The following GATAD2B variants were observed in gnomAD, a reference collection of about 807,000 sequenced individuals.
GATAD2B encodes the protein GATA zinc finger domain containing 2B, also known as transcriptional repressor p66-beta.
In GATAD2B, 8 loss-of-function variants were observed where a neutral mutation model predicts 64.3. The observed-to-expected ratio is 0.12, with a 90% CI of 0.07 to 0.22. GATAD2B has a LOEUF of 0.22. GATAD2B is among the 10% of genes least tolerant of loss of function. GATAD2B has a pLI of 1.00. For synonymous variants in GATAD2B, 281 were observed against 271.3 expected, an observed-to-expected ratio of 1.04 and a Z score of -0.35; for missense variants, 453 against 752.0, an observed-to-expected ratio of 0.60 and a Z score of 4.65.
chr1:153,818,408 G>A (rs565590994), intron 4 of GATAD2B, among the ~76,000 whole-genome samples: 29 of 149,386 alleles, frequency 1.9e-4, no homozygotes, highest in Non-Finnish European at 2.7e-4. Context: ...TCCACCTCCC[G>A]GGTTCACGCC....
intron 1 of GATAD2B, among the ~76,000 whole-genome samples, chr1:153,857,858 T>C (rs1046560273): frequency 5.9e-5 from 9 of 152,216 alleles, no homozygotes; most frequent in African/African-American, 2.2e-4. Flanking sequence ...AGACCTTCTT[T>C]CTGAAGGCTG....
At chr1:153,836,082 A>C (rs1675251392) in intron 1 of GATAD2B, among the ~76,000 whole-genome samples, 1 of 151,766 alleles carries the variant, frequency 6.6e-6, no homozygotes, top group Non-Finnish European at 1.5e-5. Context: ...GCTTTATTGC[A>C]ATATTTGCTT....
chr1:153,815,081 C>CAAAAAA (rs58874063), intron 7 of GATAD2B, among the ~76,000 whole-genome samples: 1,152 of 25,358 alleles, frequency 0.045, 155 homozygotes, highest in South Asian at 0.064. Context: ...GACTCTGTCT[C>CAAAAAA]AAAAAAAAAA....
intron 2 of GATAD2B, 100 bp from the exon 3 acceptor site, chr1:153,819,835 A>T: frequency 9.7e-7 from 1 of 1,026,908 alleles, no homozygotes; most frequent in Non-Finnish European, 1.4e-6. Flanking sequence ...GCGGTGGCTC[A>T]CTCCTGTAAT....
intron 1 of GATAD2B, chr1:153,922,108 G>A (rs1428198884): frequency 6.6e-6 from 1 of 152,116 alleles, no homozygotes; most frequent in Non-Finnish European, 1.5e-5. Context: ...GCGAGCGAAC[G>A]GTGGACGACG....
intron 1 of GATAD2B, among the ~76,000 whole-genome samples, chr1:153,846,567 T>G (rs1276904614): frequency 6.8e-6 from 1 of 146,168 alleles, no homozygotes; most frequent in African/African-American, 2.5e-5. Flanking sequence ...CTTTTTTTTT[T>G]TTTTTTTTTT....
At chr1:153,830,064 C>T (rs1417058263) in intron 1 of GATAD2B, among the ~76,000 whole-genome samples, 1 of 151,956 alleles carries the variant, frequency 6.6e-6, no homozygotes, top group Non-Finnish European at 1.5e-5. Flanking sequence ...CCACTGCATT[C>T]CAGCCTGGGT....
intron 1 of GATAD2B, among the ~76,000 whole-genome samples, chr1:153,899,186 C>T (rs529129394): frequency 2.0e-5 from 3 of 152,254 alleles, no homozygotes; most frequent in Admixed American, 1.3e-4. Flanking sequence ...CCCAGAAGTT[C>T]GAAGCTGCAG....
intron 1 of GATAD2B, among the ~76,000 whole-genome samples, chr1:153,871,778 T>C (rs946880351): frequency 1.3e-5 from 2 of 151,986 alleles, no homozygotes; most frequent in Non-Finnish European, 2.9e-5. Flanking sequence ...GCCTGAATTG[T>C]ACACTTTTAA....
At chr1:153,837,107 C>G (rs1447556936) in intron 1 of GATAD2B, among the ~76,000 whole-genome samples, 5 of 152,124 alleles carry the variant, frequency 3.3e-5, no homozygotes, top group African/African-American at 1.2e-4. Context: ...AATGGACGAA[C>G]TTTGAAAACA....
intron 2 of GATAD2B, among the ~76,000 whole-genome samples, chr1:153,823,409 T>C (rs1013414253): frequency 2.0e-5 from 3 of 152,246 alleles, no homozygotes; most frequent in Admixed American, 6.5e-5. Context: ...ACATACCTTA[T>C]TTCACAGGTA....
intron 1 of GATAD2B, among the ~76,000 whole-genome samples, chr1:153,907,616 C>G (rs1161266539): frequency 6.6e-6 from 1 of 151,670 alleles, no homozygotes; most frequent in Non-Finnish European, 1.5e-5. Context: ...TGCCACTAAA[C>G]TGTATACTTT....
At chr1:153,857,237 G>A (rs528634081) in intron 1 of GATAD2B, among the ~76,000 whole-genome samples, 1 of 152,048 alleles carries the variant, frequency 6.6e-6, no homozygotes, top group Non-Finnish European at 1.5e-5. Flanking sequence ...CCTGAGGTCA[G>A]GAGTTTGAGA....
At chr1:153,844,422 A>AAAAAAAAAAAAAAAAAAAAAAATT (rs1675612118) in intron 1 of GATAD2B, among the ~76,000 whole-genome samples, 1 of 135,458 alleles carries the variant, frequency 7.4e-6, no homozygotes, top group Non-Finnish European at 1.6e-5. Flanking sequence ...AACAAATTAT[A>AAAAAAAAAAAAAAAAAAAAAAATT]AAAAAAAAAA....
At chr1:153,850,596 A>G (rs1043470516) in intron 1 of GATAD2B, among the ~76,000 whole-genome samples, 2 of 152,036 alleles carry the variant, frequency 1.3e-5, no homozygotes, top group African/African-American at 2.4e-5. Context: ...CACTGCGCTC[A>G]GCCTAATAAG....
At chr1:153,815,805 C>G (rs1674461103) in intron 7 of GATAD2B, among the ~76,000 whole-genome samples, 1 of 152,186 alleles carries the variant, frequency 6.6e-6, no homozygotes, top group African/African-American at 2.4e-5. Flanking sequence ...GTAATCCTAG[C>G]ACTTTAGGAA....
At chr1:153,824,544 G>A (rs983273248) in intron 2 of GATAD2B, among the ~76,000 whole-genome samples, 3 of 148,812 alleles carry the variant, frequency 2.0e-5, no homozygotes, top group African/African-American at 4.9e-5. Context: ...CCCAGGAGAC[G>A]GAGGTTGCAG....
Position 153,813,232 on chromosome 1 carries a change from A to C in GATAD2B, c.1419+18T>G. The C allele has an allele frequency of 5.0e-6, 8 of 1,603,936 alleles. No homozygotes were observed. Among genetic ancestry groups the C allele is most frequent in the Non-Finnish European group, 6.8e-6 (8 of 1,172,024 alleles). ...AACAAACTGGGACAGGTGGCCAGTG[A>C]GCAGTCAGAATTCTTACCTGTTCCT... is the stretch of plus-strand genomic sequence containing the variant. On this transcript the variant is annotated intron_variant, in intron 8 of 10. Transcript: ENST00000368655.
intron 1 of GATAD2B, among the ~76,000 whole-genome samples, chr1:153,895,173 A>C (rs1453382543): frequency 6.6e-6 from 1 of 151,954 alleles, no homozygotes; most frequent in African/African-American, 2.4e-5. Flanking sequence ...ACAAACAAAC[A>C]AACAAAAAGT....
Sources: allele counts gnomAD v4.1 joint callset (sites outside exome capture counted in the v4.1 genomes callset), GRCh38; gene constraint gnomAD v4.1.1; transcripts MANE v1.5; gene names NCBI Gene and HGNC (gene_info 2026-07-23, HGNC 2026-07-21).